AGAP1: variants seen among roughly 807,000 people sequenced by gnomAD.
AGAP1 encodes ArfGAP with GTPase domain, ankyrin repeat and PH domain 1, also known as arf-GAP with GTPase, ANK repeat and PH domain-containing protein 1.
In AGAP1, 29 loss-of-function variants were observed where a neutral mutation model predicts 105.3. The observed-to-expected ratio is 0.28, with a 90% CI of 0.21 to 0.38. AGAP1 has a LOEUF of 0.38. Among genes scored for constraint, AGAP1 ranks in the 10% least tolerant of loss-of-function variants. The pLI, the probability that AGAP1 is intolerant of heterozygous loss-of-function variation, is 1.00. For missense variants in AGAP1, 998 were observed against 1,165.1 expected, an observed-to-expected ratio of 0.86 and a Z score of 2.09; for synonymous variants, 509 against 485.9, an observed-to-expected ratio of 1.05 and a Z score of -0.63.
intron 9 of AGAP1, among the ~76,000 whole-genome samples, chr2:235,817,364 T>C (rs1958517965): frequency 6.6e-6 from 1 of 151,938 alleles, no homozygotes; most frequent in African/African-American, 2.4e-5. Context: ...GTCTTCACAG[T>C]CCCCTTTTGA....
chr2:235,606,946 A>G (rs1036111992), intron 1 of AGAP1, among the ~76,000 whole-genome samples: 1,844 of 56,846 alleles, frequency 0.032, 26 homozygotes, highest in African/African-American at 0.16. Flanking sequence ...CTGCCTCTTG[A>G]AAAAAAAAAA....
rs2149564839 is a variant in AGAP1 at position 235,721,310 on chromosome 2, G to C, written c.310+3666G>C. Among the ~76,000 whole-genome samples the C allele has an allele frequency of 6.6e-6, 1 of 152,298 alleles. No homozygotes were observed. Among genetic ancestry groups the C allele is most frequent in the East Asian group, 1.9e-4 (1 of 5,174 alleles). On this transcript the variant is annotated intron_variant, in intron 3 of 17. Coordinates refer to ENST00000304032, the MANE Select transcript of AGAP1 (RefSeq NM_001037131.3). The surrounding 1 kb of genome is among the most constrained non-coding windows in gnomAD (Gnocchi z 4.5). ...GGCATGAGCCACCACGTCCAGCCAAGACTTAGATAATTTTAAAGATGCAGT... is the reference window on the plus strand; with the variant it reads ...GGCATGAGCCACCACGTCCAGCCAACACTTAGATAATTTTAAAGATGCAGT...
In AGAP1 at chr2:235,845,613, G is replaced by A. The variant is rs1209267896; in HGVS notation, c.1051-37732G>A. 8.8e-6 allele frequency among the ~76,000 whole-genome samples: 1 copy of A among 114,046 alleles called. No homozygotes were observed. Among genetic ancestry groups the A allele is most frequent in the African/African-American group, 3.3e-5 (1 of 29,930 alleles). 74.8% of individuals were successfully genotyped at this position (114,046 alleles called of 152,430 possible). A position where few individuals can be genotyped will look rare whatever the true frequency, so the allele number is the denominator to read the frequency against. On this transcript the variant is annotated intron_variant, in intron 9 of 17. Coordinates refer to ENST00000304032, the MANE Select transcript of AGAP1 (RefSeq NM_001037131.3). The surrounding 1 kb of genome is among the most constrained non-coding windows in gnomAD (Gnocchi z 4.8). ...TTATTCCTTTCCTGACCCCCCCCCC[G>A]ATCTGCTTTTTAATTTCTCAGTGTA...
intron 9 of AGAP1, among the ~76,000 whole-genome samples, chr2:235,863,185 A>G (rs2049007194): frequency 1.3e-5 from 2 of 152,348 alleles, no homozygotes; most frequent in Admixed American, 6.5e-5. Context: ...TAAGCTCATG[A>G]TGTAGCAACT....
At chr2:235,718,839 A>G (rs776807777) in intron 3 of AGAP1, among the ~76,000 whole-genome samples, 47 of 152,182 alleles carry the variant, frequency 3.1e-4, no homozygotes, top group Non-Finnish European at 6.2e-4. Context: ...GTTCACTGAG[A>G]AATGCATACA....
In AGAP1 at chr2:235,883,222, G is replaced by A. The variant is rs936663949; in HGVS notation, c.1051-123G>A. On this transcript the variant is annotated intron_variant, in intron 9 of 17. Coordinates refer to ENST00000304032, the MANE Select transcript of AGAP1 (RefSeq NM_001037131.3). This position sits in a 1 kb window ranked among gnomAD's most constrained non-coding sequence, Gnocchi z 4.5. ...ACTAATGGCATATCTTTTAGCATTCGCCAGTATCACAGAGTGAAGTTCTGC... is the reference window on the plus strand; with the variant it reads ...ACTAATGGCATATCTTTTAGCATTCACCAGTATCACAGAGTGAAGTTCTGC... 8.3e-6 allele frequency: 6 copies of A among 725,370 alleles called. No homozygotes were observed. The highest frequency in any genetic ancestry group is 2.5e-5 in the Admixed American group (1 of 39,268). The allele number at this position is 725,370 out of a possible 1,614,324, so 44.9% of individuals were successfully genotyped here. A position where few individuals can be genotyped will look rare whatever the true frequency, so the allele number is the denominator to read the frequency against.
intron 6 of AGAP1, among the ~76,000 whole-genome samples, chr2:235,757,880 A>C (rs1954063422): frequency 6.6e-6 from 1 of 152,152 alleles, no homozygotes; most frequent in African/African-American, 2.4e-5. Context: ...TGTGCAACCT[A>C]ATTGCACGCA....
intron 1 of AGAP1, among the ~76,000 whole-genome samples, chr2:235,526,066 GGAGGACTGATTTATAAAGTA>G (rs1942825664): frequency 2.2e-5 from 1 of 45,482 alleles, no homozygotes; most frequent in Non-Finnish European, 4.2e-5. Flanking sequence ...TACATAATGT[GGAGGACTGATTTATAAAGTA>G]GAGGACTGAT....
chr2:235,584,461 T>G (rs900007808), intron 1 of AGAP1, among the ~76,000 whole-genome samples: 1 of 147,050 alleles, frequency 6.8e-6, no homozygotes, highest in African/African-American at 2.5e-5. Context: ...TTAGTTAAGA[T>G]GAGGTCATAC....
At chr2:235,502,881 C>T (rs544834549) in intron 1 of AGAP1, among the ~76,000 whole-genome samples, 14 of 152,200 alleles carry the variant, frequency 9.2e-5, no homozygotes, top group Non-Finnish European at 1.3e-4. Flanking sequence ...GCTACTGTTA[C>T]CCTGTTCTCA....
In AGAP1 at chr2:235,887,646, G is replaced by A. The variant is rs1009805972; in HGVS notation, c.1155+4197G>A. Among the ~76,000 whole-genome samples, 7 of 152,102 alleles carry A rather than the reference G, an allele frequency of 4.6e-5. No homozygotes were observed. Among genetic ancestry groups the A allele is most frequent in the African/African-American group, 1.4e-4 (6 of 41,406 alleles). ...TCTCATATAGCATAGCCTACAGCCC[G>A]TTCTTTTCCACAGAGCCCAGGAAAA... On this transcript the variant is annotated intron_variant, in intron 10 of 17. Coordinates refer to ENST00000304032, the MANE Select transcript of AGAP1 (RefSeq NM_001037131.3). This position sits in a 1 kb window ranked among gnomAD's most constrained non-coding sequence, Gnocchi z 4.1.
intron 9 of AGAP1, among the ~76,000 whole-genome samples, chr2:235,825,922 T>C (rs1235676568): frequency 1.3e-5 from 2 of 152,184 alleles, no homozygotes; most frequent in South Asian, 2.1e-4. Flanking sequence ...TTCTCCACAG[T>C]GTGCTGCTTT....
chr2:235,634,967 TC>T lies in AGAP1; in HGVS notation c.164-74205del, dbSNP rs754031200. Among the ~76,000 whole-genome samples the T allele has an allele frequency of 1.8e-3, 279 of 150,834 alleles. 3 individuals are homozygous for T. Among genetic ancestry groups the T allele is most frequent in the African/African-American group, 6.5e-3 (267 of 41,036 alleles). ...CACCCCCACCTCCTCACCCTCAGCC[TC>T]CCCCCCGCTGTAGACAGTGGCCAAC... On this transcript the variant is annotated intron_variant, in intron 1 of 17. Transcript: ENST00000304032.
rs1422745788 is a variant in AGAP1, at chr2:235,891,263, C to T, written c.1155+7814C>T. On this transcript the variant is annotated intron_variant, in intron 10 of 17. Transcript: ENST00000304032. This position sits in a 1 kb window ranked among gnomAD's most constrained non-coding sequence, Gnocchi z 4.2. ...CCTAAACATTTAAATAAGACTGACA[C>T]GGTCAAAGCAAGCACGCTGGCTGAT... is the stretch of plus-strand genomic sequence containing the variant. Among the ~76,000 whole-genome samples, 4 of 152,166 alleles carry T rather than the reference C, an allele frequency of 2.6e-5. No homozygotes were observed. The highest frequency in any genetic ancestry group is 9.7e-5 in the African/African-American group (4 of 41,438).
chr2:235,730,064 A>T (rs912441181), intron 3 of AGAP1, among the ~76,000 whole-genome samples: 1 of 152,156 alleles, frequency 6.6e-6, no homozygotes, highest in African/African-American at 2.4e-5. Context: ...TAGTTTCTTG[A>T]AACAAGTACC....
intron 8 of AGAP1, 132 bp from the exon 9 acceptor site, chr2:235,807,107 C>A: frequency 1.3e-6 from 1 of 780,288 alleles, no homozygotes; most frequent in Non-Finnish European, 2.1e-6. Context: ...GCTCGTCGGA[C>A]GTGTCTGTGC....
At position 236,093,245 on chromosome 2, in the gene AGAP1, A is replaced by G. The variant is rs917615719; in HGVS notation, c.2115-26947A>G. Among the ~76,000 whole-genome samples, 6 of 152,240 alleles carry G rather than the reference A, an allele frequency of 3.9e-5. No individual in the cohort carries two copies. The South Asian group carries it at 1.2e-3, about 32-fold the overall frequency. ...TCCGCCTCAAGGTGTCAGCCCAGGGAAACTGAAGCTGCACCCCTGGGAGGG... is the reference window on the plus strand; with the variant it reads ...TCCGCCTCAAGGTGTCAGCCCAGGGGAACTGAAGCTGCACCCCTGGGAGGG... On this transcript the variant is annotated intron_variant, in intron 16 of 17. Transcript: ENST00000304032.
rs578003493 is a variant in AGAP1, at chr2:235,674,965, C to T, written c.164-34214C>T. 3.3e-3 allele frequency among the ~76,000 whole-genome samples: 496 copies of T among 151,880 alleles called. 2 individuals carry two copies. Among genetic ancestry groups the T allele is most frequent in the African/African-American group, 0.011 (459 of 41,504 alleles). On this transcript the variant is annotated intron_variant, in intron 1 of 17. Coordinates refer to ENST00000304032, the MANE Select transcript of AGAP1 (RefSeq NM_001037131.3). Reference sequence around the variant, plus strand: ...GTCTGGGATTACAGGCATGAGCCACCACACCTGTGGTTTTTTTATTTTATT... The same window carrying T: ...GTCTGGGATTACAGGCATGAGCCACTACACCTGTGGTTTTTTTATTTTATT...
intron 1 of AGAP1, among the ~76,000 whole-genome samples, chr2:235,516,055 TCTGCTG>T (rs112761133): frequency 1.7e-3 from 241 of 138,708 alleles, no homozygotes; most frequent in Admixed American, 4.4e-3. Flanking sequence ...CATGGGCTCC[TCTGCTG>T]CTGCTGCTGC....
Sources: gnomAD v4.1 joint callset for allele counts (sites outside exome capture counted in the v4.1 genomes callset) on GRCh38, gnomAD v4.1.1 for gene constraint, Gnocchi (gnomAD v3.1) non-coding constraint, MANE v1.5 for transcripts, NCBI Gene and HGNC (gene_info 2026-07-23, HGNC 2026-07-21) for gene names.